The following SAFB2 variants were observed in gnomAD, a reference collection of about 807,000 sequenced individuals.
The protein encoded by SAFB2 is scaffold attachment factor B2.
Under a neutral mutation model 100.6 loss-of-function variants are expected in SAFB2, and 32 were observed. The ratio of observed to expected loss-of-function variants is 0.32; its 90% CI spans 0.24 to 0.43. The LOEUF (loss-of-function observed/expected upper bound fraction) is 0.43, where lower values mean the gene tolerates loss of function less well. Ranked by LOEUF, SAFB2 falls within the 20% of genes least tolerant of loss-of-function variation. The probability of loss-of-function intolerance (pLI) is 1.00; values close to 1 mark genes in which losing one functional copy is unlikely to be tolerated. For missense variants in SAFB2, 1,185 were observed against 1,163.4 expected, an observed-to-expected ratio of 1.02 and a Z score of -0.27; for synonymous variants, 500 against 439.4, an observed-to-expected ratio of 1.14 and a Z score of -1.72.
At chr19:5,618,294 G>A (rs1286744870) in intron 2 of SAFB2, among the ~76,000 whole-genome samples, 6 of 152,158 alleles carry the variant, frequency 3.9e-5, no homozygotes, top group Admixed American at 1.3e-4. Context: ...GCCGGGAGGC[G>A]GAGCTTGCAG....
chr19:5,590,453 A>C, intron 17 of SAFB2, 45 bp from the exon 18 acceptor site: 1 of 1,543,040 alleles, frequency 6.5e-7, no homozygotes, highest in Non-Finnish European at 8.8e-7. Flanking sequence ...CATGTCACCC[A>C]CATAGGCCCA....
In SAFB2 at chr19:5,594,195, G is replaced by A. The variant is rs1330608334; in HGVS notation, c.1920-17C>T. On this transcript the variant is annotated splice_polypyrimidine_tract_variant and intron_variant, in intron 14 of 20. Transcript: ENST00000252542. ...TCGCGCTCCCTGCGGGGACAGGTGA[G>A]GCTGCCCTGAACTCCCTGCGTGAGC... 1.3e-6 allele frequency: 2 copies of A among 1,572,036 alleles called. No individual in the cohort carries two copies. Among genetic ancestry groups the A allele is most frequent in the South Asian group, 1.2e-5 (1 of 86,690 alleles).
rs567052669 is a variant in SAFB2, at chr19:5,598,762, C to T, written c.1782+31G>A. 220 of 1,587,978 alleles carry T rather than the reference C, an allele frequency of 1.4e-4. 5 individuals carry two copies. The South Asian group carries it at 2.2e-3, about 16-fold the overall frequency. ...GCCGTGGAGCCATCGTGAGAAACAG[C>T]TGGCCCTGAGATGGCAGAGGCAATA... On this transcript the variant is annotated intron_variant, in intron 13 of 20. Coordinates refer to ENST00000252542, the MANE Select transcript of SAFB2 (RefSeq NM_014649.3).
chr19:5,588,008 C>T (rs1032621802), intron 18 of SAFB2, 28 bp from the exon 19 acceptor site: 16 of 1,593,210 alleles, frequency 1.0e-5, no homozygotes, highest in Non-Finnish European at 1.3e-5. Context: ...GACATGCAGC[C>T]ATCTAATGAG....
Position 5,587,996 on chromosome 19 carries a change from A to G in SAFB2, c.2526-16T>C. On this transcript the variant is annotated splice_polypyrimidine_tract_variant and intron_variant, in intron 18 of 20. Transcript: ENST00000252542. The surrounding 1 kb of genome is among the most constrained non-coding windows in gnomAD (Gnocchi z 4.9). ...ACGGCCACCCCTTTGCCAAAAGAAAAAGACATGCAGCCATCTAATGAGCCT... is the reference window on the plus strand; with the variant it reads ...ACGGCCACCCCTTTGCCAAAAGAAAGAGACATGCAGCCATCTAATGAGCCT... 1 of 1,604,574 alleles carries G rather than the reference A, an allele frequency of 6.2e-7. No homozygotes were observed. The highest frequency in any genetic ancestry group is 1.1e-5 in the South Asian group (1 of 89,922).
At position 5,590,420 on chromosome 19, in the gene SAFB2, G is replaced by C. The variant is rs750423356; in HGVS notation, c.2395-12C>G. ...TCATCTCCATAGTGCTGGAAGGCAG[G>C]AGAGGAACAGGGTGACACTGACCAT... On this transcript the variant is annotated splice_polypyrimidine_tract_variant and intron_variant, in intron 17 of 20. Transcript: ENST00000252542. 6.2e-7 allele frequency: 1 copy of C among 1,602,346 alleles called. No individual in the cohort carries two copies. Among genetic ancestry groups the C allele is most frequent in the Non-Finnish European group, 8.5e-7 (1 of 1,173,846 alleles).
At position 5,616,114 on chromosome 19, in the gene SAFB2, T is replaced by TG; in HGVS notation, c.543+17dup. The TG allele has an allele frequency of 6.2e-7, 1 of 1,612,896 alleles. No individual in the cohort carries two copies. The highest frequency in any genetic ancestry group is 1.1e-5 in the South Asian group (1 of 91,058). The stretch of plus-strand genomic sequence containing the variant: ...TCGGGGCTATGGGCACATCCTGCCG[T>TG]GTCTCCAAGTTACCTACAGCATGCT... On this transcript the variant is annotated intron_variant, in intron 4 of 20. Coordinates refer to ENST00000252542, the MANE Select transcript of SAFB2 (RefSeq NM_014649.3).
intron 2 of SAFB2, among the ~76,000 whole-genome samples, chr19:5,617,356 G>C (rs985388323): frequency 6.6e-6 from 1 of 152,036 alleles, no homozygotes; most frequent in Non-Finnish European, 1.5e-5. Context: ...ATAACTATTT[G>C]ATAGAATTCT....
Position 5,600,240 on chromosome 19 carries a change from T to A in SAFB2, c.1580A>T (p.Glu527Val). 6.2e-7 allele frequency: 1 copy of A among 1,612,956 alleles called. No homozygotes were observed. The highest frequency in any genetic ancestry group is 2.2e-5 in the East Asian group (1 of 44,872). Residue 527 changes from glutamate to valine, a missense_variant, in exon 12 of 21, where the codon GAG (glutamate) becomes GTG (valine). Coordinates refer to ENST00000252542, the MANE Select transcript of SAFB2 (RefSeq NM_014649.3). ...TTTTTCCTCCTTCTTCTCAATCTTC[T>A]CTTCCTTCTTAATTACAGTTCTATT... ...KIEKTVIKKE[E>V]KIEKKEEKKP...
chr19:5,614,079 G>A (rs1162452105), intron 4 of SAFB2, among the ~76,000 whole-genome samples: 7 of 152,072 alleles, frequency 4.6e-5, no homozygotes, highest in East Asian at 1.9e-4. Flanking sequence ...TCAGCCTCCC[G>A]AGGAGCTAGG....
At chr19:5,620,275 A>G (rs2053113992) in intron 2 of SAFB2, among the ~76,000 whole-genome samples, 2 of 152,260 alleles carry the variant, frequency 1.3e-5, no homozygotes, top group South Asian at 4.1e-4. Context: ...AAGCTATTAA[A>G]AAAATGAAAT....
chr19:5,616,638 GTTTT>G, intron 2 of SAFB2, 152 bp from the exon 3 acceptor site: 2 of 144,360 alleles, frequency 1.4e-5, no homozygotes, highest in Non-Finnish European at 2.6e-5. Flanking sequence ...GTCTCAATTT[GTTTT>G]CTTTTTTTTT....
chr19:5,600,022 G>T, intron 12 of SAFB2, 108 bp downstream of exon 12: 2 of 1,180,964 alleles, frequency 1.7e-6, no homozygotes, highest in South Asian at 1.5e-5. Flanking sequence ...TATGAACAGC[G>T]AAACAGCCAT....
At chr19:5,596,249 C>T (rs571646203) in intron 13 of SAFB2, among the ~76,000 whole-genome samples, 2 of 152,290 alleles carry the variant, frequency 1.3e-5, no homozygotes, top group African/African-American at 2.4e-5. Flanking sequence ...GGTGACAGAG[C>T]GGGACTCCGT....
intron 8 of SAFB2, 111 bp from the exon 9 acceptor site, chr19:5,610,206 G>T (rs1221034698): frequency 2.5e-6 from 2 of 805,810 alleles, no homozygotes; most frequent in African/African-American, 1.7e-5. Context: ...AATCCCAACT[G>T]CTGACTTAAG....
At chr19:5,604,049 C>T (rs1254381209) in intron 11 of SAFB2, among the ~76,000 whole-genome samples, 1 of 152,204 alleles carries the variant, frequency 6.6e-6, no homozygotes, top group African/African-American at 2.4e-5. Flanking sequence ...GAAACAAATA[C>T]ATGCTGAGGA....
intron 11 of SAFB2, 87 bp downstream of exon 11, chr19:5,604,496 G>A (rs2052730267): frequency 4.3e-6 from 4 of 932,212 alleles, no homozygotes; most frequent in Non-Finnish European, 6.8e-6. Flanking sequence ...TACAGGTGGG[G>A]ACAGATGCGT....
rs2052517136 is a variant in SAFB2, at chr19:5,595,484, T to C, written c.1796A>G (p.Gln599Arg). The C allele has an allele frequency of 6.2e-7, 1 of 1,613,666 alleles. No homozygotes were observed. The highest frequency in any genetic ancestry group is 1.3e-5 in the African/African-American group (1 of 74,946). The change falls in exon 14 of 21, where the codon CAG becomes CGG. Residue 599 changes from glutamine to arginine, a missense_variant. Transcript: ENST00000252542. ...TTCTTTGCTTTCTGACTTGCGATCC[T>C]GACTCTTGGAGCTCTGTTTACCAAA... Reference protein sequence around the residue: ...SRSKERSSKSQDRKSESKEKR... With the variant: ...SRSKERSSKSRDRKSESKEKR...
chr19:5,589,369 A>C (rs1896597321), intron 18 of SAFB2, among the ~76,000 whole-genome samples: 1 of 152,080 alleles, frequency 6.6e-6, no homozygotes, highest in Admixed American at 6.5e-5. Flanking sequence ...GTCCTGGGAC[A>C]CTCGGCACAG....
Sources: allele counts gnomAD v4.1 joint callset (sites outside exome capture counted in the v4.1 genomes callset), GRCh38; gene constraint gnomAD v4.1.1; non-coding constraint Gnocchi (gnomAD v3.1); transcripts MANE v1.5; gene names NCBI Gene and HGNC (gene_info 2026-07-23, HGNC 2026-07-21).